The following BCAS1 variants were observed in gnomAD, a reference collection of about 807,000 sequenced individuals.
The protein encoded by BCAS1 is brain enriched myelin associated protein 1.
BCAS1 carries 46 observed loss-of-function variants against 65.4 expected under a neutral mutation model. That is an observed-to-expected ratio of 0.70 (90% CI 0.55 to 0.90). The LOEUF (loss-of-function observed/expected upper bound fraction) is 0.90. Ranked by LOEUF, BCAS1 falls within the 40% of genes least tolerant of loss-of-function variation. BCAS1 has a pLI of 0.00. For synonymous variants in BCAS1, 298 were observed against 293.5 expected, an observed-to-expected ratio of 1.02 and a Z score of -0.16; for missense variants, 793 against 771.2, an observed-to-expected ratio of 1.03 and a Z score of -0.33.
intron 8 of BCAS1, among the ~76,000 whole-genome samples, chr20:53,977,130 A>G (rs542829122): frequency 1.1e-4 from 17 of 152,296 alleles, no homozygotes; most frequent in Admixed American, 5.2e-4. Context: ...TTATAAAGCC[A>G]TCAGATCTTG....
intron 12 of BCAS1, among the ~76,000 whole-genome samples, chr20:53,946,732 AT>A (rs2089337469): frequency 6.6e-6 from 1 of 151,092 alleles, no homozygotes; most frequent in African/African-American, 2.4e-5. Context: ...AGTATAGTAA[AT>A]AAAGTATAGC....
intron 12 of BCAS1, 119 bp from the exon 13 acceptor site, chr20:53,945,115 T>G: frequency 7.0e-6 from 6 of 856,764 alleles, no homozygotes; most frequent in East Asian, 4.9e-5. Context: ...ATATATCTCA[T>G]TCCTCAGTGC....
intron 9 of BCAS1, among the ~76,000 whole-genome samples, chr20:53,971,758 C>A (rs550350891): frequency 4.7e-4 from 71 of 152,310 alleles, no homozygotes; most frequent in Admixed American, 1.1e-3. Flanking sequence ...CTTTCACTTG[C>A]AACTGAGAGA....
intron 6 of BCAS1, 99 bp downstream of exon 6, chr20:53,994,913 A>ACACACG (rs936693397): frequency 5.2e-5 from 49 of 947,314 alleles, no homozygotes; most frequent in Middle Eastern, 4.3e-4. Context: ...ACACACACAC[A>ACACACG]CACATATATG....
At chr20:54,048,087 C>A (rs2092144129) in intron 3 of BCAS1, among the ~76,000 whole-genome samples, 1 of 152,100 alleles carries the variant, frequency 6.6e-6, no homozygotes, top group Non-Finnish European at 1.5e-5. Context: ...TCCCCTACCT[C>A]ATGAGGATGG....
chr20:53,957,436 C>A lies in BCAS1; in HGVS notation c.1547G>T (p.Cys516Phe). The A allele has an allele frequency of 6.2e-7, 1 of 1,613,830 alleles. No individual in the cohort carries two copies. Among genetic ancestry groups the A allele is most frequent in the South Asian group, 1.1e-5 (1 of 91,072 alleles). Residue 516 changes from cysteine (C) to phenylalanine (F), a missense_variant, in exon 11 of 13, where the codon TGC (cysteine) becomes TTC (phenylalanine). Physicochemically the swap from Cys to Phe is radical, Grantham distance 205 (BLOSUM62 -2). Transcript: ENST00000688948. ...ACTGAGTTCGAGGTCACTTACTTGGCAGCTGGAGTCTTTCCCATTTATTTC... is the reference window on the plus strand; with the variant it reads ...ACTGAGTTCGAGGTCACTTACTTGGAAGCTGGAGTCTTTCCCATTTATTTC... ...SEEINGKDSS[C>F]QTSDSTEKTI...
chr20:54,050,874 C>A (rs1436442525), intron 3 of BCAS1, among the ~76,000 whole-genome samples: 1 of 152,186 alleles, frequency 6.6e-6, no homozygotes, highest in Non-Finnish European at 1.5e-5. Context: ...TGCACTCTCA[C>A]AGAGCTTGGT....
Position 53,945,966 on chromosome 20 carries a change from G to T in BCAS1, c.1816-970C>A, listed in dbSNP as rs2089302439. On this transcript the variant is annotated intron_variant, in intron 12 of 12. Transcript: ENST00000688948. ...TTAAAATTTTTTTTGTAGAGACGGG[G>T]TCTCAATTTGTTGTCCAGGATGGTC... 2.6e-5 allele frequency among the ~76,000 whole-genome samples: 4 copies of T among 152,032 alleles called. No individual in the cohort carries two copies. The South Asian group carries it at 8.3e-4, about 32-fold the overall frequency.
At chr20:53,982,476 T>C (rs2145754369) in intron 8 of BCAS1, among the ~76,000 whole-genome samples, 1 of 152,330 alleles carries the variant, frequency 6.6e-6, no homozygotes, top group South Asian at 2.1e-4. Context: ...CCATAGCCTG[T>C]TCTGGGAAAA....
At chr20:53,993,197 G>T (rs2145829931) in intron 6 of BCAS1, among the ~76,000 whole-genome samples, 1 of 152,266 alleles carries the variant, frequency 6.6e-6, no homozygotes, top group Non-Finnish European at 1.5e-5. Context: ...CAGAGAAAAT[G>T]TGTAGTGTGA....
intron 3 of BCAS1, among the ~76,000 whole-genome samples, chr20:54,036,674 C>G (rs1321302645): frequency 6.6e-6 from 1 of 151,298 alleles, no homozygotes; most frequent in Non-Finnish European, 1.5e-5. Flanking sequence ...ATTGCCCATA[C>G]AGTGCTTACC....
At chr20:53,957,041 T>A (rs2089721148) in intron 11 of BCAS1, among the ~76,000 whole-genome samples, 1 of 152,148 alleles carries the variant, frequency 6.6e-6, no homozygotes, top group Non-Finnish European at 1.5e-5. Flanking sequence ...CAGACAGACA[T>A]GAGAAGAAAC....
At chr20:53,962,387 T>G (rs2089904966) in intron 10 of BCAS1, among the ~76,000 whole-genome samples, 1 of 152,218 alleles carries the variant, frequency 6.6e-6, no homozygotes, top group Non-Finnish European at 1.5e-5. Flanking sequence ...AACAAAGATT[T>G]TCTTACAAAT....
chr20:53,950,836 T>C (rs1258140861), intron 12 of BCAS1, among the ~76,000 whole-genome samples: 2 of 151,414 alleles, frequency 1.3e-5, no homozygotes, highest in African/African-American at 4.9e-5. Flanking sequence ...ACCCTAGTCA[T>C]GCAACTAGTC....
chr20:54,021,104 G>A (rs897627497), intron 4 of BCAS1, among the ~76,000 whole-genome samples: 10 of 152,158 alleles, frequency 6.6e-5, no homozygotes, highest in Non-Finnish European at 1.3e-4. Flanking sequence ...CTCTTTGCTG[G>A]AAGAGCCTTC....
In BCAS1 at chr20:53,977,572, T is replaced by C. The variant is rs141819483; in HGVS notation, c.1276-2142A>G. Among the ~76,000 whole-genome samples the C allele has an allele frequency of 2.5e-3, 387 of 152,334 alleles. 2 individuals are homozygous for C. Among genetic ancestry groups the C allele is most frequent in the African/African-American group, 9.1e-3 (379 of 41,576 alleles). On this transcript the variant is annotated intron_variant, in intron 8 of 12. Coordinates refer to ENST00000688948, the MANE Select transcript of BCAS1 (RefSeq NM_001366298.2). ...TTGCCTGTGTCTAGAAAGTTTCTGG[T>C]TGTTCATTGCTCACTATATTTCAGA...
At chr20:54,052,085 A>T (rs577111287) in intron 3 of BCAS1, among the ~76,000 whole-genome samples, 1 of 152,346 alleles carries the variant, frequency 6.6e-6, no homozygotes, top group East Asian at 1.9e-4. Flanking sequence ...AACAGCATTT[A>T]CAAAAATCAG....
At chr20:54,060,023 C>T (rs2092356916) in intron 1 of BCAS1, among the ~76,000 whole-genome samples, 1 of 152,274 alleles carries the variant, frequency 6.6e-6, no homozygotes, top group Non-Finnish European at 1.5e-5. Flanking sequence ...AGAGAGTTAA[C>T]ATAGGAACAA....
chr20:54,045,406 G>A (rs970969261), intron 3 of BCAS1, among the ~76,000 whole-genome samples: 1 of 152,060 alleles, frequency 6.6e-6, no homozygotes, highest in Non-Finnish European at 1.5e-5. Flanking sequence ...GAGTTGAGAT[G>A]GGGAAGATTA....
Sources: allele counts gnomAD v4.1 joint callset (sites outside exome capture counted in the v4.1 genomes callset), GRCh38; gene constraint gnomAD v4.1.1; transcripts MANE v1.5; gene names NCBI Gene and HGNC (gene_info 2026-07-23, HGNC 2026-07-21).